The following PCDH11Y variants were observed in gnomAD, a reference collection of about 807,000 sequenced individuals.
PCDH11Y encodes the protein protocadherin 11 Y-linked.
For synonymous variants in PCDH11Y, 9 were observed against 83.6 expected (o/e 0.11, Z 4.87); for missense variants, 12 against 224.8 (o/e 0.05, Z 6.05).
intron 2 of PCDH11Y, among the ~76,000 whole-genome samples, chrY:5,316,071 C>T: frequency 3.0e-5 from 1 of 33,225 alleles, no homozygotes; most frequent in African/African-American, 1.2e-4. Context: ...GGCCATGGCC[C>T]GTGACACAGC....
intron 2 of PCDH11Y, among the ~76,000 whole-genome samples, chrY:5,426,914 G>T (rs2053263860): frequency 3.0e-5 from 1 of 33,314 alleles, no homozygotes; most frequent in Non-Finnish European, 7.5e-5. Context: ...ATTTTTACCA[G>T]CCAATAATCA....
At chrY:5,492,501 G>T (rs1602933567) in intron 2 of PCDH11Y, among the ~76,000 whole-genome samples, 2 of 25,324 alleles carry the variant, frequency 7.9e-5, no homozygotes, top group East Asian at 2.0e-3. Flanking sequence ...ATGTGTGTAT[G>T]TGCGTGTGGA....
chrY:5,002,507 C>G (rs2052532050), intron 1 of PCDH11Y, among the ~76,000 whole-genome samples: 1 of 33,021 alleles, frequency 3.0e-5, no homozygotes, highest in African/African-American at 1.2e-4. Context: ...GAAACAAACT[C>G]TCGCAATCCC....
chrY:5,732,814 A>G, intron 4 of PCDH11Y, among the ~76,000 whole-genome samples: 1 of 33,251 alleles, frequency 3.0e-5, no homozygotes, highest in African/African-American at 1.2e-4. Context: ...GCTTTACATC[A>G]TCTAATATTG....
chrY:5,455,109 G>T, intron 2 of PCDH11Y, among the ~76,000 whole-genome samples: 1 of 33,553 alleles, frequency 3.0e-5, no homozygotes, highest in Non-Finnish European at 7.3e-5. Context: ...GCTGTTAGGA[G>T]CAGGCACAGC....
intron 2 of PCDH11Y, among the ~76,000 whole-genome samples, chrY:5,376,791 C>A: frequency 3.1e-5 from 1 of 32,240 alleles, no homozygotes; most frequent in African/African-American, 1.2e-4. Context: ...CATTTAATTT[C>A]TATGTAACTA....
At chrY:5,494,061 G>A in intron 2 of PCDH11Y, among the ~76,000 whole-genome samples, 2 of 33,530 alleles carry the variant, frequency 6.0e-5, no homozygotes, top group African/African-American at 1.2e-4. Context: ...AAGTTTAAAT[G>A]TAAGTCACTA....
chrY:5,260,003 A>G, intron 2 of PCDH11Y, among the ~76,000 whole-genome samples: 2 of 27,417 alleles, frequency 7.3e-5, no homozygotes, highest in African/African-American at 2.9e-4. Flanking sequence ...AGCACTTTAA[A>G]TATGTCCTGA....
At chrY:5,729,889 C>T (rs2053602016) in intron 4 of PCDH11Y, among the ~76,000 whole-genome samples, 1 of 33,213 alleles carries the variant, frequency 3.0e-5, no homozygotes, top group African/African-American at 1.2e-4. Flanking sequence ...CCTTTCCCCA[C>T]TGCTTAATTT....
intron 4 of PCDH11Y, among the ~76,000 whole-genome samples, chrY:5,687,399 T>G (rs2053564254): frequency 3.2e-5 from 1 of 31,239 alleles, no homozygotes; most frequent in Admixed American, 3.0e-4. Flanking sequence ...GTCAGGAGAT[T>G]GAGACCATCC....
At chrY:5,716,780 T>C in intron 4 of PCDH11Y, among the ~76,000 whole-genome samples, 1 of 33,082 alleles carries the variant, frequency 3.0e-5, no homozygotes, top group Non-Finnish European at 7.5e-5. Context: ...GCCACAGTTA[T>C]CTTAGGCAAA....
At chrY:5,173,684 A>G in intron 2 of PCDH11Y, among the ~76,000 whole-genome samples, 1 of 32,184 alleles carries the variant, frequency 3.1e-5, no homozygotes, top group East Asian at 8.1e-4. Flanking sequence ...CAATATTTGT[A>G]TTTATTGTCA....
At chrY:5,231,055 G>A in intron 2 of PCDH11Y, among the ~76,000 whole-genome samples, 1 of 32,386 alleles carries the variant, frequency 3.1e-5, no homozygotes, top group Admixed American at 2.9e-4. Flanking sequence ...CCTTCTCCGT[G>A]TTATCTTGAC....
Position 5,205,661 on chromosome Y carries a change from A to AATATAT in PCDH11Y, c.3129+104970_3129+104975dup, listed in dbSNP as rs1404714318. Among the ~76,000 whole-genome samples the AATATAT allele has an allele frequency of 1.1e-3, 26 of 23,307 alleles. No individual in the cohort carries two copies. In the East Asian group the frequency reaches 0.023, roughly 21 times the overall value. The allele number at this position is 23,307 out of a possible 37,273, so 62.5% of individuals were successfully genotyped here. ...AATATATATATACATTGAATATATA[A>AATATAT]ATATATATATATATATATATAGTGA... is the stretch of plus-strand genomic sequence containing the variant. On this transcript the variant is annotated intron_variant, in intron 2 of 4. Transcript: ENST00000400457.
intron 2 of PCDH11Y, among the ~76,000 whole-genome samples, chrY:5,343,293 A>G (rs2053147730): frequency 3.9e-5 from 1 of 25,821 alleles, no homozygotes; most frequent in Non-Finnish European, 8.9e-5. Context: ...TCGCTCTGTC[A>G]CCTAGGATGG....
intron 1 of PCDH11Y, among the ~76,000 whole-genome samples, chrY:5,022,461 T>TA (rs2052570865): frequency 1.1e-3 from 32 of 28,170 alleles, no homozygotes; most frequent in African/African-American, 4.1e-3. Context: ...CTACCAAAAA[T>TA]AAAAAAAAAT....
intron 4 of PCDH11Y, among the ~76,000 whole-genome samples, chrY:5,722,023 T>A (rs2124714195): frequency 3.1e-5 from 1 of 32,143 alleles, no homozygotes; most frequent in African/African-American, 1.1e-4. Context: ...GCCATTATAA[T>A]CATATTCAAA....
chrY:5,460,127 ATGT>A (rs2053301863), intron 2 of PCDH11Y, among the ~76,000 whole-genome samples: 2 of 32,970 alleles, frequency 6.1e-5, no homozygotes, highest in East Asian at 8.0e-4. Flanking sequence ...TTAAAGTAAA[ATGT>A]TGTTGTTTTG....
At chrY:5,335,450 C>G in intron 2 of PCDH11Y, among the ~76,000 whole-genome samples, 1 of 32,697 alleles carries the variant, frequency 3.1e-5, no homozygotes, top group South Asian at 6.8e-4. Context: ...CCTTTGTTTT[C>G]TTAGAGGAAC....
Sources: allele counts gnomAD v4.1 joint callset (sites outside exome capture counted in the v4.1 genomes callset), GRCh38; gene constraint gnomAD v4.1.1; transcripts MANE v1.5; gene names NCBI Gene and HGNC (gene_info 2026-07-23, HGNC 2026-07-21).